The following ANO10 variants were observed in gnomAD, a reference collection of about 807,000 sequenced individuals.
The protein encoded by ANO10 is anoctamin 10.
Under a neutral mutation model 74.7 loss-of-function variants are expected in ANO10, and 77 were observed. That is an observed-to-expected ratio of 1.03 (90% CI 0.86 to 1.25). The LOEUF (loss-of-function observed/expected upper bound fraction) is 1.25. ANO10 is among the 50% of genes most tolerant of loss of function. The pLI is 0.00. For missense variants in ANO10, 721 were observed against 778.1 expected (o/e 0.93, Z 0.87); for synonymous variants, 279 against 284.9 (o/e 0.98, Z 0.21).
At chr3:43,535,810 TGA>T (rs2078687930) in intron 11 of ANO10, among the ~76,000 whole-genome samples, 1 of 152,194 alleles carries the variant, frequency 6.6e-6, no homozygotes, top group South Asian at 2.1e-4. Context: ...CTAGTAACTA[TGA>T]TATCAGTTGA....
intron 12 of ANO10, among the ~76,000 whole-genome samples, chr3:43,420,093 T>C (rs1309988666): frequency 3.3e-5 from 5 of 152,318 alleles, no homozygotes; most frequent in East Asian, 1.9e-4. Context: ...AGTTTCTCTA[T>C]GTTTATTACA....
intron 4 of ANO10, among the ~76,000 whole-genome samples, chr3:43,591,918 T>C (rs749245708): frequency 5.3e-5 from 8 of 152,042 alleles, no homozygotes; most frequent in Non-Finnish European, 1.2e-4. Flanking sequence ...ACTTTTCCAA[T>C]GGTCTTAGCA....
At chr3:43,463,433 C>T (rs2075475154) in intron 11 of ANO10, among the ~76,000 whole-genome samples, 1 of 152,084 alleles carries the variant, frequency 6.6e-6, no homozygotes, top group Non-Finnish European at 1.5e-5. Context: ...TTATACAACC[C>T]CAGGTGCCAC....
At chr3:43,660,629 C>T (rs1031766604) in intron 1 of ANO10, among the ~76,000 whole-genome samples, 2 of 152,140 alleles carry the variant, frequency 1.3e-5, no homozygotes, top group Admixed American at 6.5e-5. Context: ...GATTGGTGTA[C>T]CTGAAAGTGT....
intron 11 of ANO10, among the ~76,000 whole-genome samples, chr3:43,481,168 A>G (rs2076255436): frequency 6.6e-6 from 1 of 152,090 alleles, no homozygotes; most frequent in African/African-American, 2.4e-5. Context: ...AAGGGCTAAA[A>G]ATTTGAGTCA....
At chr3:43,468,194 ATGC>A (rs1396024244) in intron 11 of ANO10, among the ~76,000 whole-genome samples, 1 of 152,234 alleles carries the variant, frequency 6.6e-6, no homozygotes, top group Non-Finnish European at 1.5e-5. Flanking sequence ...TGTGGGCACA[ATGC>A]TGGTAGGTGG....
intron 12 of ANO10, chr3:43,372,962 G>T: frequency 9.8e-7 from 1 of 1,023,556 alleles, no homozygotes; most frequent in Non-Finnish European, 1.4e-6. Context: ...CTTTTCTCAT[G>T]TAACACATAT....
At chr3:43,588,623 T>C (rs2081584821) in intron 4 of ANO10, among the ~76,000 whole-genome samples, 1 of 148,586 alleles carries the variant, frequency 6.7e-6, no homozygotes, top group Middle Eastern at 3.3e-3. Context: ...TATCCTGATA[T>C]AAGAGACCCA....
rs148596683 is a variant in ANO10 at position 43,553,316 on chromosome 3, A to C, written c.1668+1962T>G. Among the ~76,000 whole-genome samples the C allele has an allele frequency of 2.0e-4, 30 of 152,192 alleles. 2 individuals are homozygous for C. The East Asian group carries it at 5.6e-3, about 29-fold the overall frequency. ...CTTTGGTTTATCTTGTTTGGGGTTC[A>C]CAATGCTTCTTGAATCTGCAGTTTT... is the stretch of plus-strand genomic sequence containing the variant. On this transcript the variant is annotated intron_variant, in intron 10 of 12. Transcript: ENST00000292246.
intron 1 of ANO10, among the ~76,000 whole-genome samples, chr3:43,686,554 A>T (rs2084277445): frequency 6.6e-6 from 1 of 152,158 alleles, no homozygotes; most frequent in Non-Finnish European, 1.5e-5. Context: ...CCAAACTGCT[A>T]GGATGACAGG....
chr3:43,466,263 C>T (rs1030385293), intron 11 of ANO10, among the ~76,000 whole-genome samples: 2 of 147,008 alleles, frequency 1.4e-5, no homozygotes, highest in African/African-American at 2.5e-5. Flanking sequence ...TCCAGCTACT[C>T]GGGAGGCTGA....
chr3:43,449,394 C>T (rs1278409755), intron 11 of ANO10, among the ~76,000 whole-genome samples: 1 of 151,920 alleles, frequency 6.6e-6, no homozygotes, highest in Non-Finnish European at 1.5e-5. Context: ...AATTACTAAA[C>T]CCTAGAACAC....
intron 12 of ANO10, among the ~76,000 whole-genome samples, chr3:43,410,672 C>G (rs573994740): frequency 6.6e-6 from 1 of 152,114 alleles, no homozygotes; most frequent in African/African-American, 2.4e-5. Context: ...TGAGAACACA[C>G]GGATATACCT....
intron 11 of ANO10, among the ~76,000 whole-genome samples, chr3:43,481,927 C>CTTTTTTT (rs1161910647): frequency 4.0e-5 from 5 of 123,882 alleles, no homozygotes; most frequent in East Asian, 2.4e-4. Flanking sequence ...CTTTTTTTTT[C>CTTTTTTT]TTTTTTTTTT....
At chr3:43,501,839 A>G (rs1393761149) in intron 11 of ANO10, among the ~76,000 whole-genome samples, 1 of 152,196 alleles carries the variant, frequency 6.6e-6, no homozygotes, top group Non-Finnish European at 1.5e-5. Flanking sequence ...GACCCCAGCC[A>G]AGGAGCTATC....
At chr3:43,400,188 T>G (rs562885220) in intron 12 of ANO10, among the ~76,000 whole-genome samples, 2 of 152,196 alleles carry the variant, frequency 1.3e-5, no homozygotes, top group Non-Finnish European at 2.9e-5. Flanking sequence ...TCATGTTTCC[T>G]TTTGTTTAAA....
At chr3:43,538,542 AATTCTG>A (rs2078817784) in intron 11 of ANO10, among the ~76,000 whole-genome samples, 2 of 152,364 alleles carry the variant, frequency 1.3e-5, no homozygotes, top group South Asian at 4.1e-4. Flanking sequence ...GCAGCTTTGT[AATTCTG>A]GCAGAAGAAA....
intron 11 of ANO10, among the ~76,000 whole-genome samples, chr3:43,520,151 G>A (rs2077885540): frequency 6.6e-6 from 1 of 152,022 alleles, no homozygotes; most frequent in African/African-American, 2.4e-5. Flanking sequence ...TTCCTGGCCT[G>A]GTCCATACAA....
chr3:43,574,412 A>G (rs543256817), intron 7 of ANO10, among the ~76,000 whole-genome samples: 149 of 151,938 alleles, frequency 9.8e-4, no homozygotes, highest in Middle Eastern at 3.4e-3. Flanking sequence ...CTGGGATTAC[A>G]GGCCTGCGTC....
Sources: gnomAD v4.1 joint callset for allele counts (sites outside exome capture counted in the v4.1 genomes callset) on GRCh38, gnomAD v4.1.1 for gene constraint, MANE v1.5 for transcripts, NCBI Gene and HGNC (gene_info 2026-07-23, HGNC 2026-07-21) for gene names.